SLIT3: variants seen among roughly 807,000 people sequenced by gnomAD.
SLIT3 encodes slit guidance ligand 3.
A neutral mutation model predicts 184.0 loss-of-function variants in SLIT3; 68 were observed. The ratio of observed to expected loss-of-function variants is 0.37; its 90% CI spans 0.30 to 0.45. The LOEUF (loss-of-function observed/expected upper bound fraction) is 0.45, where lower values mean the gene tolerates loss of function less well. Ranked by LOEUF, SLIT3 falls within the 20% of genes least tolerant of loss-of-function variation. The pLI is 1.00. For missense variants in SLIT3, 1,707 were observed against 2,026.0 expected (o/e 0.84, Z 3.02); for synonymous variants, 831 against 828.6 (o/e 1.00, Z -0.05).
intron 4 of SLIT3, among the ~76,000 whole-genome samples, chr5:169,072,892 A>G (rs1758605160): frequency 6.6e-6 from 1 of 152,240 alleles, no homozygotes; most frequent in South Asian, 2.1e-4. Flanking sequence ...AGGAGACCCA[A>G]CTGTTGCTGT....
Position 169,223,083 on chromosome 5 carries a change from G to A in SLIT3, c.341+21622C>T, listed in dbSNP as rs904354908. Among the ~76,000 whole-genome samples the A allele has an allele frequency of 1.1e-4, 16 of 152,254 alleles. No individual in the cohort carries two copies. The South Asian group carries it at 2.3e-3, about 22-fold the overall frequency. On this transcript the variant is annotated intron_variant, in intron 3 of 35. Coordinates refer to ENST00000519560, the MANE Select transcript of SLIT3 (RefSeq NM_003062.4). ...TTAAAGGCAACTGTAAATTCAGTCCGGATTTTTTTTTCCTGTGCTTTTCCC... is the reference window on the plus strand; with the variant it reads ...TTAAAGGCAACTGTAAATTCAGTCCAGATTTTTTTTTCCTGTGCTTTTCCC...
At chr5:169,247,648 T>C (rs897896562) in intron 2 of SLIT3, among the ~76,000 whole-genome samples, 4 of 152,186 alleles carry the variant, frequency 2.6e-5, no homozygotes, top group Admixed American at 2.0e-4. Flanking sequence ...CTGACTTTTA[T>C]TGGCTTCATC....
At chr5:168,956,620 C>T (rs1762836194) in intron 4 of SLIT3, among the ~76,000 whole-genome samples, 3 of 151,920 alleles carry the variant, frequency 2.0e-5, no homozygotes, top group South Asian at 4.2e-4. Flanking sequence ...GTGGTGAAAC[C>T]CCATCTCTAC....
intron 4 of SLIT3, among the ~76,000 whole-genome samples, chr5:168,919,259 C>CAA (rs372846427): frequency 4.2e-4 from 37 of 87,740 alleles, no homozygotes; most frequent in Admixed American, 7.9e-4. Flanking sequence ...GACTCCATCT[C>CAA]AAAAAAAAAA....
At chr5:168,868,761 AAAAAAGAAAAAG>A (rs527558712) in intron 5 of SLIT3, among the ~76,000 whole-genome samples, 2 of 141,102 alleles carry the variant, frequency 1.4e-5, no homozygotes, top group African/African-American at 5.7e-5. Flanking sequence ...AAAAAAAAAA[AAAAAAGAAAAAG>A]AAAAAGAAAA....
intron 11 of SLIT3, 82 bp downstream of exon 11, chr5:168,789,478 T>A: frequency 9.6e-7 from 1 of 1,044,078 alleles, no homozygotes; most frequent in Non-Finnish European, 1.5e-6. Flanking sequence ...GATAAACACC[T>A]CCTGAGAAAT....
intron 4 of SLIT3, among the ~76,000 whole-genome samples, chr5:168,891,929 T>C (rs1009849051): frequency 4.6e-5 from 7 of 152,190 alleles, no homozygotes; most frequent in African/African-American, 7.2e-5. Flanking sequence ...GGGGATGTTA[T>C]TTCAACAAAA....
chr5:168,770,238 G>A (rs1755500793), intron 14 of SLIT3, among the ~76,000 whole-genome samples: 1 of 152,214 alleles, frequency 6.6e-6, no homozygotes. Flanking sequence ...AGCTGATAGA[G>A]AGAGGCAGAC....
At chr5:169,286,482 C>T (rs991393405) in intron 1 of SLIT3, among the ~76,000 whole-genome samples, 1 of 152,144 alleles carries the variant, frequency 6.6e-6, no homozygotes, top group African/African-American at 2.4e-5. Context: ...CCCCAAATCC[C>T]AGCCCCCAGA....
At chr5:169,187,565 T>A (rs201070848) in intron 4 of SLIT3, among the ~76,000 whole-genome samples, 5 of 97,086 alleles carry the variant, frequency 5.2e-5, no homozygotes, top group African/African-American at 1.7e-4. Flanking sequence ...CTTTCTTTTT[T>A]TTTTTTTTTG....
intron 4 of SLIT3, among the ~76,000 whole-genome samples, chr5:169,128,372 TAAG>T (rs1187404775): frequency 6.6e-6 from 1 of 151,766 alleles, no homozygotes; most frequent in Non-Finnish European, 1.5e-5. Flanking sequence ...CAGTAGCTTC[TAAG>T]AAGGAATCCT....
rs566792966 is a variant in SLIT3, at chr5:168,769,575, A to G, written c.1459+3206T>C. 4.6e-5 allele frequency among the ~76,000 whole-genome samples: 7 copies of G among 152,252 alleles called. No homozygotes were observed. In the South Asian group the frequency reaches 1.5e-3, roughly 32 times the overall value. On this transcript the variant is annotated intron_variant, in intron 14 of 35. Transcript: ENST00000519560. Reference sequence around the variant, plus strand: ...CTCATCACACGCACTAGAGTCAGCCACTAGAATCTGGACTCCACTCTGCTT... The same window carrying G: ...CTCATCACACGCACTAGAGTCAGCCGCTAGAATCTGGACTCCACTCTGCTT...
chr5:169,256,312 A>G (rs1453850097), intron 1 of SLIT3, among the ~76,000 whole-genome samples: 2 of 152,216 alleles, frequency 1.3e-5, no homozygotes, highest in African/African-American at 2.4e-5. Flanking sequence ...AACAGTAGAT[A>G]TATCTAGATA....
rs1460332677 is a variant in SLIT3 at position 168,809,095 on chromosome 5, C to T, written c.794-2508G>A. Among the ~76,000 whole-genome samples, 5 of 152,234 alleles carry T rather than the reference C, an allele frequency of 3.3e-5. No individual in the cohort carries two copies. In the East Asian group the frequency reaches 7.7e-4, roughly 24 times the overall value. ...TGTTGGAAAAGGGGAAAGAAAGATA[C>T]CATATTCAAGGGCTTATAATGGCGG... On this transcript the variant is annotated intron_variant, in intron 8 of 35. Transcript: ENST00000519560.
chr5:168,662,949 T>G lies in SLIT3; in HGVS notation c.*3505A>C, dbSNP rs1353745488. On this transcript the variant is annotated 3_prime_UTR_variant, in exon 36 of 36. Transcript: ENST00000519560. ...GAGGAGCCTCATTTCGGGGAGAATTTTCTTAATGGTCCTTGCATTTGGCAT... is the reference window on the plus strand; with the variant it reads ...GAGGAGCCTCATTTCGGGGAGAATTGTCTTAATGGTCCTTGCATTTGGCAT... 1.3e-5 allele frequency: 2 copies of G among 152,252 alleles called. No homozygotes were observed. The highest frequency in any genetic ancestry group is 2.9e-5 in the Non-Finnish European group (2 of 68,058). The allele number at this position is 152,252 out of a possible 1,614,324, so 9.4% of individuals were successfully genotyped here.
chr5:169,212,006 T>C (rs1764282047), intron 3 of SLIT3, among the ~76,000 whole-genome samples: 1 of 152,240 alleles, frequency 6.6e-6, no homozygotes, highest in Admixed American at 6.5e-5. Context: ...TGTATTTTCT[T>C]TATCCAGTGT....
chr5:169,075,473 T>C (rs1321117024), intron 4 of SLIT3, among the ~76,000 whole-genome samples: 1 of 152,158 alleles, frequency 6.6e-6, no homozygotes, highest in African/African-American at 2.4e-5. Context: ...TTCGAAAATA[T>C]CGTGAAGTTG....
At chr5:169,090,021 T>C (rs1383349965) in intron 4 of SLIT3, among the ~76,000 whole-genome samples, 1 of 152,184 alleles carries the variant, frequency 6.6e-6, no homozygotes, top group Admixed American at 6.5e-5. Flanking sequence ...AGGTGAATTG[T>C]GTATGCAGGT....
intron 3 of SLIT3, among the ~76,000 whole-genome samples, chr5:169,200,758 T>G (rs182492959): frequency 6.6e-6 from 1 of 152,358 alleles, no homozygotes; most frequent in East Asian, 1.9e-4. Context: ...GGCCTCTTAC[T>G]TCCTTGGTTT....
Sources: allele counts gnomAD v4.1 joint callset (sites outside exome capture counted in the v4.1 genomes callset), GRCh38; gene constraint gnomAD v4.1.1; transcripts MANE v1.5; gene names NCBI Gene and HGNC (gene_info 2026-07-23, HGNC 2026-07-21).